VGLL4: variants seen among roughly 807,000 people sequenced by gnomAD.
VGLL4 encodes the protein vestigial like family member 4.
A neutral mutation model predicts 21.0 loss-of-function variants in VGLL4; 7 were observed. That is an observed-to-expected ratio of 0.33 (90% CI 0.19 to 0.63). The LOEUF (loss-of-function observed/expected upper bound fraction) is 0.63. Ranked by LOEUF, VGLL4 falls within the 20% of genes least tolerant of loss-of-function variation. The pLI, the probability that VGLL4 is intolerant of heterozygous loss-of-function variation, is 0.78. For missense variants in VGLL4, 394 were observed against 425.7 expected (o/e 0.93, Z 0.66); for synonymous variants, 222 against 173.2 (o/e 1.28, Z -2.21).
At chr3:11,576,073 A>C (rs1179894124) in intron 2 of VGLL4, among the ~76,000 whole-genome samples, 1 of 152,216 alleles carries the variant, frequency 6.6e-6, no homozygotes, top group African/African-American at 2.4e-5. Context: ...TTTAAGAAAA[A>C]CTGATGTTTG....
intron 2 of VGLL4, chr3:11,693,102 C>T (rs1321043340): frequency 2.4e-5 from 5 of 206,048 alleles, no homozygotes; most frequent in Middle Eastern, 2.0e-3. Flanking sequence ...CCCCAGGGGG[C>T]GGAGCTTGCA....
intron 2 of VGLL4, among the ~76,000 whole-genome samples, chr3:11,572,559 G>A (rs2073818817): frequency 6.6e-6 from 1 of 152,094 alleles, no homozygotes; most frequent in Non-Finnish European, 1.5e-5. Context: ...CGTCCCCTGG[G>A]GCATCCTCTG....
At position 11,643,905 on chromosome 3, in the gene VGLL4, A is replaced by G. The variant is rs1575488766; in HGVS notation, c.-387T>C. 9.8e-7 allele frequency: 1 copy of G among 1,023,464 alleles called. No individual in the cohort carries two copies. Among genetic ancestry groups the G allele is most frequent in the Non-Finnish European group, 1.2e-6 (1 of 853,396 alleles). The allele number at this position is 1,023,464 out of a possible 1,614,324, so 63.4% of individuals were successfully genotyped here. ...CCCGCTGCAAGCCGGCAGCGCTGAC[A>G]TGAGGGCTATGCTTGGCATGACTCC... On this transcript the variant is annotated 5_prime_UTR_variant, in exon 1 of 5. It removes an upstream start codon present in the reference 5' UTR. Transcript: ENST00000430365.
At chr3:11,674,797 A>T (rs927392025) in intron 2 of VGLL4, among the ~76,000 whole-genome samples, 1 of 152,154 alleles carries the variant, frequency 6.6e-6, no homozygotes, top group African/African-American at 2.4e-5. Flanking sequence ...TTCCAAATTG[A>T]AAAAGGAAGG....
intron 2 of VGLL4, among the ~76,000 whole-genome samples, chr3:11,680,924 C>T (rs764002436): frequency 6.6e-6 from 1 of 152,186 alleles, no homozygotes; most frequent in Non-Finnish European, 1.5e-5. Flanking sequence ...GCGGAATCCC[C>T]GCCGTGAAGC....
chr3:11,601,958 ACTG>A lies in VGLL4; in HGVS notation c.144_146del (p.Ser49del). On this transcript the variant is annotated inframe_deletion, in exon 2 of 5. Coordinates refer to ENST00000430365, the MANE Select transcript of VGLL4 (RefSeq NM_001128219.3). ...TGATTGGGGGAGGGCCGGTGCGGTGACTGCTGAGGGCAGAGGCCACCGGCAGGG... is the reference window on the plus strand; with the variant it reads ...TGATTGGGGGAGGGCCGGTGCGGTGACTGAGGGCAGAGGCCACCGGCAGGG... The A allele has an allele frequency of 6.2e-7, 1 of 1,612,390 alleles. No homozygotes were observed. Among genetic ancestry groups the A allele is most frequent in the South Asian group, 1.1e-5 (1 of 90,936 alleles).
intron 2 of VGLL4, among the ~76,000 whole-genome samples, chr3:11,702,514 A>G (rs931567880): frequency 2.0e-5 from 3 of 151,296 alleles, no homozygotes; most frequent in African/African-American, 7.3e-5. Context: ...CTGTAATCCC[A>G]GCTACTTGGG....
At position 11,697,274 on chromosome 3, in the gene VGLL4, T is replaced by C. The variant is rs928134210; in HGVS notation, c.64+5697A>G. ...CACCACCACACCCAGCTAATTGTGG[T>C]TTTTTTTTTTTTTTGGAGGATGAGG... On this transcript the variant is annotated intron_variant, in intron 2 of 5. Transcript: ENST00000273038. Among the ~76,000 whole-genome samples the C allele has an allele frequency of 2.4e-5, 3 of 123,706 alleles. No homozygotes were observed. In the Admixed American group the frequency reaches 2.5e-4, roughly 10 times the overall value. 81.2% of individuals were successfully genotyped at this position (123,706 alleles called of 152,430 possible).
chr3:11,602,225 G>A (rs1306501703), intron 1 of VGLL4, among the ~76,000 whole-genome samples: 2 of 152,076 alleles, frequency 1.3e-5, no homozygotes, highest in African/African-American at 4.8e-5. Context: ...ACATCAACGT[G>A]GTTTTCTAGC....
intron 2 of VGLL4, among the ~76,000 whole-genome samples, chr3:11,575,301 G>C (rs747521898): frequency 1.3e-5 from 2 of 152,238 alleles, no homozygotes; most frequent in African/African-American, 2.4e-5. Context: ...TGTGGACTCT[G>C]TCTCTCTAAC....
At chr3:11,715,059 C>T (rs557190792) in intron 1 of VGLL4, among the ~76,000 whole-genome samples, 2 of 149,990 alleles carry the variant, frequency 1.3e-5, no homozygotes, top group South Asian at 2.1e-4. Flanking sequence ...GGCGTGAACT[C>T]GGGAGGCGGA....
At chr3:11,583,531 C>T (rs1348557124) in intron 2 of VGLL4, among the ~76,000 whole-genome samples, 2 of 152,156 alleles carry the variant, frequency 1.3e-5, no homozygotes, top group South Asian at 2.1e-4. Context: ...GATTTCAGAG[C>T]TTACTAATGG....
chr3:11,570,352 G>C (rs1169920567), intron 2 of VGLL4, among the ~76,000 whole-genome samples: 1 of 152,124 alleles, frequency 6.6e-6, no homozygotes, highest in African/African-American at 2.4e-5. Context: ...CACAGGAAAG[G>C]AGCAGTGCGG....
In VGLL4 at chr3:11,673,178, G is replaced by C. The variant is rs184637536; in HGVS notation, c.64+29793C>G. ...ATATCTGAGGAAAGCTACTAACGTG[G>C]AAGATAGAGACCAAGTTAAACCAGA... On this transcript the variant is annotated intron_variant, in intron 2 of 5. Transcript: ENST00000273038. Among the ~76,000 whole-genome samples, 126 of 152,238 alleles carry C rather than the reference G, an allele frequency of 8.3e-4. 1 individual carries two copies. Among genetic ancestry groups the C allele is most frequent in the African/African-American group, 2.9e-3 (120 of 41,548 alleles).
chr3:11,556,806 C>A lies in VGLL4; in HGVS notation c.*1750G>T, dbSNP rs1177481811. 6.5e-6 allele frequency: 1 copy of A among 152,736 alleles called. No individual in the cohort carries two copies. Among genetic ancestry groups the A allele is most frequent in the Non-Finnish European group, 1.5e-5 (1 of 68,030 alleles). 9.5% of individuals were successfully genotyped at this position (152,736 alleles called of 1,614,324 possible). The stretch of plus-strand genomic sequence containing the variant: ...AAAGTGTTCTCAACGATTTTTCCTA[C>A]AGAAAATATAGGGGCCTGAATGCCA... On this transcript the variant is annotated 3_prime_UTR_variant, in exon 5 of 5. Transcript: ENST00000430365.
chr3:11,613,250 A>C (rs1419190153), intron 1 of VGLL4, among the ~76,000 whole-genome samples: 1 of 152,192 alleles, frequency 6.6e-6, no homozygotes, highest in Admixed American at 6.5e-5. Context: ...CAGGTTAAGC[A>C]CCGAAGGTCA....
chr3:11,574,055 C>T (rs556545580), intron 2 of VGLL4, among the ~76,000 whole-genome samples: 30 of 152,296 alleles, frequency 2.0e-4, no homozygotes, highest in Non-Finnish European at 2.6e-4. Flanking sequence ...CCTGCACAGA[C>T]GCTCCCCACA....
chr3:11,571,449 C>T (rs535858353), intron 2 of VGLL4, among the ~76,000 whole-genome samples: 81 of 152,188 alleles, frequency 5.3e-4, no homozygotes, highest in Admixed American at 4.4e-3. Context: ...TTTGGGAGGC[C>T]AACGTAGGTG....
chr3:11,560,351 C>A (rs556436041), intron 3 of VGLL4, among the ~76,000 whole-genome samples: 2 of 152,328 alleles, frequency 1.3e-5, no homozygotes, highest in South Asian at 4.1e-4. Flanking sequence ...TCTTCCAATA[C>A]CCCCGAGGAC....
Sources: allele counts gnomAD v4.1 joint callset (sites outside exome capture counted in the v4.1 genomes callset), GRCh38; gene constraint gnomAD v4.1.1; transcripts MANE v1.5; gene names NCBI Gene and HGNC (gene_info 2026-07-23, HGNC 2026-07-21).